Variants in COL6A6 observed in about 807,000 individuals in gnomAD.
COL6A6 encodes collagen type VI alpha 6 chain, also known as collagen alpha-6(VI) chain.
A neutral mutation model predicts 208.6 loss-of-function variants in COL6A6; 183 were observed. The ratio of observed to expected loss-of-function variants is 0.88; its 90% CI spans 0.78 to 0.99. The LOEUF is 0.99. Ranked by LOEUF, COL6A6 falls within the 50% of genes least tolerant of loss-of-function variation. The pLI, the probability that COL6A6 is intolerant of heterozygous loss-of-function variation, is 0.00. For missense variants in COL6A6, 2,816 were observed against 2,815.2 expected (o/e 1.00, Z -0.01); for synonymous variants, 973 against 1,011.8 (o/e 0.96, Z 0.73).
At chr3:130,661,118 G>A (rs940988498) in intron 34 of COL6A6, among the ~76,000 whole-genome samples, 1 of 152,132 alleles carries the variant, frequency 6.6e-6, no homozygotes, top group Non-Finnish European at 1.5e-5. Context: ...CTATGGAAAT[G>A]CAAAGATGAG....
chr3:130,622,133 G>A (rs1276900283), intron 24 of COL6A6, among the ~76,000 whole-genome samples: 13 of 151,892 alleles, frequency 8.6e-5, no homozygotes, highest in Non-Finnish European at 1.2e-4. Flanking sequence ...GGATCTCAGG[G>A]AACAAGGGAT....
At chr3:130,587,375 C>G (rs1435058285) in intron 11 of COL6A6, among the ~76,000 whole-genome samples, 1 of 152,190 alleles carries the variant, frequency 6.6e-6, no homozygotes, top group African/African-American at 2.4e-5. Context: ...ATTCTCCCTG[C>G]CTCAGCCTCC....
Position 130,662,259 on chromosome 3 carries a change from CCA to C in COL6A6, c.6456_6457del (p.His2152GlnfsTer34), listed in dbSNP as rs1400522400. On this transcript the variant is annotated frameshift_variant, in exon 35 of 37. Transcript: ENST00000358511. LOFTEE classifies it high-confidence loss of function. ...AGCTTGGCCGAATTCATAAACCTGA[CCA>C]CAGTTATGGTGTGAAGTTTGTGAAG... Reference protein sequence around the residue: ...VQLGRIHKPDHSYGVKFVKSF... With the variant: ...VQLGRIHKPDXSYGVKFVKSF... 1.2e-6 allele frequency: 2 copies of C among 1,613,966 alleles called. No homozygotes were observed. Among genetic ancestry groups the C allele is most frequent in the African/African-American group, 1.3e-5 (1 of 75,048 alleles).
intron 36 of COL6A6, among the ~76,000 whole-genome samples, chr3:130,670,733 T>C (rs560968390): frequency 6.6e-6 from 1 of 152,302 alleles, no homozygotes; most frequent in South Asian, 2.1e-4. Flanking sequence ...ACCCAGCATG[T>C]CCCAGCAAAG....
Position 130,571,258 on chromosome 3 carries a change from A to T in COL6A6, c.2842A>T (p.Ile948Phe), listed in dbSNP as rs78155084. ...AGGCATTCTTGTCCTGGCTGTGGGGATTGATGGTGCCAATCCCGTGGAGCT... is the reference window on the plus strand; with the variant it reads ...AGGCATTCTTGTCCTGGCTGTGGGGTTTGATGGTGCCAATCCCGTGGAGCT... ...DKGILVLAVG[I>F]DGANPVELLA... Residue 948 changes from isoleucine to phenylalanine, a missense_variant, in exon 7 of 37, where the codon ATT (isoleucine) becomes TTT (phenylalanine). By Grantham distance (21) the Ile-to-Phe change is conservative. Transcript: ENST00000358511. 1 of 1,614,070 alleles carries T rather than the reference A, an allele frequency of 6.2e-7. No individual in the cohort carries two copies. Among genetic ancestry groups the T allele is most frequent in the South Asian group, 1.1e-5 (1 of 91,080 alleles).
chr3:130,523,953 T>C (rs1711230274), intron 1 of COL6A6, among the ~76,000 whole-genome samples: 2 of 152,228 alleles, frequency 1.3e-5, no homozygotes, highest in Non-Finnish European at 2.9e-5. Flanking sequence ...GAGATTTTTT[T>C]CCAAGAGTTC....
intron 20 of COL6A6, among the ~76,000 whole-genome samples, chr3:130,601,842 T>A (rs1037154475): frequency 4.6e-5 from 7 of 152,152 alleles, no homozygotes; most frequent in African/African-American, 1.4e-4. Flanking sequence ...TAATGACAAA[T>A]GCCGGCCAAC....
At chr3:130,592,365 G>T (rs1419516000) in intron 13 of COL6A6, among the ~76,000 whole-genome samples, 176 bp from the exon 14 acceptor site, 2 of 152,186 alleles carry the variant, frequency 1.3e-5, no homozygotes, top group South Asian at 2.1e-4. Context: ...GCAAAGGGCT[G>T]TCTATCATCA....
At chr3:130,586,841 G>C (rs1490126694) in intron 11 of COL6A6, among the ~76,000 whole-genome samples, 181 bp downstream of exon 11, 1 of 152,148 alleles carries the variant, frequency 6.6e-6, no homozygotes, top group Non-Finnish European at 1.5e-5. Context: ...ACAGTAAAGA[G>C]ATGTCAAAGC....
intron 23 of COL6A6, among the ~76,000 whole-genome samples, chr3:130,617,040 T>C (rs2064551062): frequency 1.3e-5 from 2 of 152,182 alleles, no homozygotes; most frequent in Non-Finnish European, 2.9e-5. Context: ...GAGTATTTTG[T>C]GCTCAAAGAA....
At chr3:130,582,853 C>T (rs969259057) in intron 10 of COL6A6, among the ~76,000 whole-genome samples, 5 of 152,130 alleles carry the variant, frequency 3.3e-5, no homozygotes, top group African/African-American at 1.2e-4. Flanking sequence ...GCTGTCCACC[C>T]CATCCTTGGG....
At chr3:130,553,636 G>GTT (rs34984104) in intron 1 of COL6A6, among the ~76,000 whole-genome samples, 1 of 148,170 alleles carries the variant, frequency 6.7e-6, no homozygotes, top group Non-Finnish European at 1.5e-5. Flanking sequence ...CATACTCTGG[G>GTT]TTTTTTTTTT....
chr3:130,657,031 G>C (rs554930536), intron 33 of COL6A6, among the ~76,000 whole-genome samples: 2 of 152,252 alleles, frequency 1.3e-5, no homozygotes, highest in Non-Finnish European at 2.9e-5. Flanking sequence ...GCCGCAGCCA[G>C]ACGGCTGCAA....
rs77609836 is a variant in COL6A6, at chr3:130,622,883, C to T, written c.4878+1000C>T. On this transcript the variant is annotated intron_variant, in intron 24 of 36. Transcript: ENST00000358511. The stretch of plus-strand genomic sequence containing the variant: ...AAGAAAAGAAAATACAGACTTTAAG[C>T]AGGACTTAGAAGATAAAAATTTTGG... Among the ~76,000 whole-genome samples, 580 of 151,498 alleles carry T rather than the reference C, an allele frequency of 3.8e-3. 5 individuals carry two copies. Among genetic ancestry groups the T allele is most frequent in the African/African-American group, 0.013 (555 of 41,288 alleles).
Position 130,567,065 on chromosome 3 carries a change from C to T in COL6A6, c.1646C>T (p.Ser549Phe). 1 of 1,613,970 alleles carries T rather than the reference C, an allele frequency of 6.2e-7. No individual in the cohort carries two copies. Among genetic ancestry groups the T allele is most frequent in the Non-Finnish European group, 8.5e-7 (1 of 1,179,874 alleles). Residue 549 changes from serine to phenylalanine, a missense_variant, in exon 5 of 37, where the codon TCC becomes TTC. Ser to Phe is a radical substitution (Grantham distance 155). Coordinates refer to ENST00000358511, the MANE Select transcript of COL6A6 (RefSeq NM_001102608.3). ...CTTGTTGTCCTGACAAATGGCATGT[C>T]CAAGGATAGCATCTTGGAGCCTGCA... is the stretch of plus-strand genomic sequence containing the variant. ...CHLVVLTNGM[S>F]KDSILEPANR...
At chr3:130,564,610 C>T (rs2107878895) in intron 3 of COL6A6, among the ~76,000 whole-genome samples, 1 of 152,280 alleles carries the variant, frequency 6.6e-6, no homozygotes, top group Middle Eastern at 3.4e-3. Flanking sequence ...GTTACTATCC[C>T]TTAGGAATAT....
At chr3:130,601,695 G>A (rs1481074167) in intron 20 of COL6A6, among the ~76,000 whole-genome samples, 2 of 152,196 alleles carry the variant, frequency 1.3e-5, no homozygotes, top group Non-Finnish European at 2.9e-5. Context: ...TGTCATTCAG[G>A]AGTAAAAGTG....
chr3:130,654,557 C>G (rs2065735996), intron 33 of COL6A6, among the ~76,000 whole-genome samples: 1 of 152,186 alleles, frequency 6.6e-6, no homozygotes, highest in African/African-American at 2.4e-5. Flanking sequence ...TTTAAGCTAG[C>G]TTAGGTATAC....
Position 130,584,788 on chromosome 3 carries a change from G to A in COL6A6, c.3971-1718G>A, listed in dbSNP as rs1039061741. Among the ~76,000 whole-genome samples the A allele has an allele frequency of 4.0e-5, 6 of 151,744 alleles. No homozygotes were observed. In the East Asian group the frequency reaches 1.2e-3, roughly 29 times the overall value. ...TGCCACCACACCCGGCTAATTTTTT[G>A]TATTTTCAGTAGAGATGGGGTTTCA... On this transcript the variant is annotated intron_variant, in intron 10 of 36. Coordinates refer to ENST00000358511, the MANE Select transcript of COL6A6 (RefSeq NM_001102608.3).
Sources: gnomAD v4.1 joint callset for allele counts (sites outside exome capture counted in the v4.1 genomes callset) on GRCh38, gnomAD v4.1.1 for gene constraint, MANE v1.5 for transcripts, NCBI Gene and HGNC (gene_info 2026-07-23, HGNC 2026-07-21) for gene names.